Variants in AP3D1 observed in about 807,000 individuals in gnomAD.
The protein encoded by AP3D1 is adaptor related protein complex 3 subunit delta 1, also known as AP-3 complex subunit delta-1.
Under a neutral mutation model 147.6 loss-of-function variants are expected in AP3D1, and 51 were observed. The observed-to-expected ratio is 0.35, with a 90% confidence interval of 0.28 to 0.44. AP3D1 has a LOEUF of 0.44. Ranked by LOEUF, AP3D1 falls within the 20% of genes least tolerant of loss-of-function variation. The pLI, the probability that AP3D1 is intolerant of heterozygous loss-of-function variation, is 1.00. For synonymous variants in AP3D1, 760 were observed against 663.0 expected, an observed-to-expected ratio of 1.15 and a Z score of -2.25; for missense variants, 1,421 against 1,624.2, an observed-to-expected ratio of 0.87 and a Z score of 2.15.
At chr19:2,144,483 C>T (rs1160221222) in intron 1 of AP3D1, among the ~76,000 whole-genome samples, 1 of 152,176 alleles carries the variant, frequency 6.6e-6, no homozygotes, top group Non-Finnish European at 1.5e-5. Flanking sequence ...CCAGAAACAG[C>T]CCCATCCAGG....
In AP3D1 at chr19:2,137,899, G is replaced by A. The variant is rs935333433; in HGVS notation, c.193-92C>T. 49 of 1,168,260 alleles carry A rather than the reference G, an allele frequency of 4.2e-5. No individual in the cohort carries two copies. In the East Asian group the frequency reaches 8.5e-4, roughly 20 times the overall value. The allele number at this position is 1,168,260 out of a possible 1,614,324, so 72.4% of individuals were successfully genotyped here. A position where few individuals can be genotyped will look rare whatever the true frequency, so the allele number is the denominator to read the frequency against. ...CATCAAGCGCTCCCTCCCAGCACAC[G>A]GTGCTGGAACAGACTCATTCACTGT... On this transcript the variant is annotated intron_variant, in intron 2 of 31. Transcript: ENST00000643116.
At chr19:2,134,503 G>A (rs1375209461) in intron 4 of AP3D1, among the ~76,000 whole-genome samples, 5 of 151,358 alleles carry the variant, frequency 3.3e-5, no homozygotes, top group Admixed American at 6.6e-5. Flanking sequence ...TTGGGAGGCC[G>A]AGGCAGGCAG....
intron 9 of AP3D1, among the ~76,000 whole-genome samples, chr19:2,125,827 TAAAGCTAG>T (rs1344079790): frequency 7.3e-6 from 1 of 137,842 alleles, no homozygotes; most frequent in African/African-American, 3.0e-5. Context: ...TATACCTAAG[TAAAGCTAG>T]AAAAAAAAAA....
intron 4 of AP3D1, 96 bp downstream of exon 4, chr19:2,136,915 A>G: frequency 8.5e-7 from 1 of 1,176,514 alleles, no homozygotes; most frequent in Non-Finnish European, 1.2e-6. Flanking sequence ...GGCCACAGGC[A>G]CCTGCTGCCC....
chr19:2,136,880 C>T lies in AP3D1; in HGVS notation c.354+131G>A, dbSNP rs375354652. The stretch of plus-strand genomic sequence containing the variant: ...GCGTCTGCTGGGAGGACTGTGGCTC[C>T]GGAAGCCCCGCTCGCACTCAAGGGG... On this transcript the variant is annotated intron_variant, in intron 4 of 31. Coordinates refer to ENST00000643116, the MANE Select transcript of AP3D1 (RefSeq NM_001261826.3). 284 of 824,102 alleles carry T rather than the reference C, an allele frequency of 3.4e-4. 1 individual carries two copies. In the Middle Eastern group the frequency reaches 8.8e-3, roughly 26 times the overall value. 51.0% of individuals were successfully genotyped at this position (824,102 alleles called of 1,614,324 possible).
At position 2,137,047 on chromosome 19, in the gene AP3D1, G is replaced by A. The variant is rs773222304; in HGVS notation, c.318C>T (p.Thr106=). The A allele has an allele frequency of 6.3e-6, 10 of 1,596,254 alleles. No homozygotes were observed. The highest frequency in any genetic ancestry group is 4.5e-5 in the South Asian group (4 of 87,956). The part of the protein sequence containing the change: ...LAASQSFHEG[T]DVIMLTTNQI... The stretch of plus-strand genomic sequence containing the variant: ...GATTGGTGGTCAGCATGATGACGTC[G>A]GTGCCTTCGTGAAAGCTCTGGGAAG... The change falls in exon 4 of 32, where the codon ACC becomes ACT. Residue 106 remains threonine (T), a synonymous_variant. Transcript: ENST00000643116.
intron 1 of AP3D1, among the ~76,000 whole-genome samples, chr19:2,147,317 C>T (rs1416299119): frequency 6.8e-6 from 1 of 146,406 alleles, no homozygotes; most frequent in Non-Finnish European, 1.5e-5. Context: ...TGCACTCCAG[C>T]CTGGGCAACA....
rs141923926 is a variant in AP3D1, at chr19:2,137,180, G to T, written c.274-89C>A. 5.7e-5 allele frequency: 68 copies of T among 1,196,870 alleles called. 1 individual carries two copies. In the African/African-American group the frequency reaches 9.1e-4, roughly 16 times the overall value. 74.1% of individuals were successfully genotyped at this position (1,196,870 alleles called of 1,614,324 possible). A position where few individuals can be genotyped will look rare whatever the true frequency, so the allele number is the denominator to read the frequency against. ...TGCTCTGCAGCGACCACACCAGGCA[G>T]CGCCAGCCCAGAAGCAACACCCTGC... On this transcript the variant is annotated intron_variant, in intron 3 of 31. Transcript: ENST00000643116.
At chr19:2,156,788 G>T (rs1259651975) in intron 1 of AP3D1, among the ~76,000 whole-genome samples, 1 of 152,078 alleles carries the variant, frequency 6.6e-6, no homozygotes, top group Non-Finnish European at 1.5e-5. Context: ...GTTGGAGGTT[G>T]CAGTGAGCCA....
chr19:2,108,414 G>C (rs1042119470), intron 31 of AP3D1, among the ~76,000 whole-genome samples: 1 of 152,190 alleles, frequency 6.6e-6, no homozygotes, highest in East Asian at 1.9e-4. Context: ...CAGGGGTGGG[G>C]TGGTGGGCAG....
At chr19:2,156,404 C>T (rs1333755887), upstream of AP3D1, among the ~76,000 whole-genome samples, 1 of 152,116 alleles carries the variant, frequency 6.6e-6, no homozygotes, top group East Asian at 1.9e-4. Context: ...ATCATCCATC[C>T]ATCCACCAAT....
Position 2,117,293 on chromosome 19 carries a change from G to C in AP3D1, c.1788C>G (p.Val596=). Residue 596 remains valine, a synonymous_variant, in exon 16 of 32, where the codon GTC becomes GTG. Transcript: ENST00000643116. ...TCAGCTCCCCAGCAAAGAGAGCGCT[G>C]ACCTCCTCTGCCACAGGCACGTCCT... is the stretch of plus-strand genomic sequence containing the variant. ...QAKDVPVAEE[V]SALFAGELNP... 2 of 1,612,892 alleles carry C rather than the reference G, an allele frequency of 1.2e-6. No individual in the cohort carries two copies. Among genetic ancestry groups the C allele is most frequent in the Non-Finnish European group, 1.7e-6 (2 of 1,179,762 alleles).
chr19:2,113,148 C>T (rs1363950726), intron 23 of AP3D1, 181 bp from the exon 24 acceptor site: 8 of 627,884 alleles, frequency 1.3e-5, no homozygotes, highest in East Asian at 5.7e-5. Context: ...CTCCCCTTCC[C>T]CTGGCCCCTG....
chr19:2,152,272 T>G (rs970996525), upstream of AP3D1, among the ~76,000 whole-genome samples: 1 of 152,172 alleles, frequency 6.6e-6, no homozygotes, highest in African/African-American at 2.4e-5. Context: ...CCAGCCGTGG[T>G]GGCTCACGCC....
chr19:2,105,675 G>A (rs192246324), intron 31 of AP3D1, among the ~76,000 whole-genome samples: 1 of 152,324 alleles, frequency 6.6e-6, no homozygotes, highest in African/African-American at 2.4e-5. Context: ...TTCTGTGTGA[G>A]TGTCTTTAAT....
chr19:2,147,345 CAAAAAAAA>C (rs71176517), intron 1 of AP3D1, among the ~76,000 whole-genome samples: 2 of 80,274 alleles, frequency 2.5e-5, no homozygotes, highest in Non-Finnish European at 4.6e-5. Flanking sequence ...AACTCTGTCT[CAAAAAAAA>C]AAAAAAAAAA....
rs748973612 is a variant in AP3D1, at chr19:2,118,583, C to T, written c.1713+18G>A. 17 of 1,598,178 alleles carry T rather than the reference C, an allele frequency of 1.1e-5. No homozygotes were observed. Among genetic ancestry groups the T allele is most frequent in the Admixed American group, 5.0e-5 (3 of 59,790 alleles). On this transcript the variant is annotated intron_variant, in intron 15 of 31. Coordinates refer to ENST00000643116, the MANE Select transcript of AP3D1 (RefSeq NM_001261826.3). ...GGGCTCCCTGAGGCTCGGCCCAACA[C>T]GGAGTGTTGGATCTTACCCGCTCCT...
chr19:2,109,122 G>A lies in AP3D1; in HGVS notation c.3436C>T (p.Leu1146Phe). 1 of 1,609,342 alleles carries A rather than the reference G, an allele frequency of 6.2e-7. No individual in the cohort carries two copies. Among genetic ancestry groups the A allele is most frequent in the African/African-American group, 1.3e-5 (1 of 74,710 alleles). ...VDGIRMSFQN[L>F]LAKICFHHHF... ...TGGTGAAAACAGATCTTCGCCAGAA[G>A]ATTCTGGAAGGACATCCGAATGCCA... Residue 1146 changes from leucine (L) to phenylalanine (F), a missense_variant, in exon 30 of 32, where the codon CTT (leucine) becomes TTT (phenylalanine). This residue lies in a region of AP3D1 where 791 missense variants were observed against 761.4 expected (regional missense o/e 1.04). Transcript: ENST00000643116.
intron 10 of AP3D1, 70 bp from the exon 11 acceptor site, chr19:2,123,476 A>G: frequency 6.5e-7 from 1 of 1,530,386 alleles, no homozygotes; most frequent in Admixed American, 1.8e-5. Flanking sequence ...GGTACCCTCC[A>G]GATTCAACCT....
Sources: allele counts gnomAD v4.1 joint callset (sites outside exome capture counted in the v4.1 genomes callset), GRCh38; gene constraint gnomAD v4.1.1; regional missense constraint gnomAD v4.1.1; transcripts MANE v1.5; gene names NCBI Gene and HGNC (gene_info 2026-07-23, HGNC 2026-07-21).